Variants in ITIH4 observed in about 807,000 individuals in gnomAD.
ITIH4 encodes the protein inter-alpha-trypsin inhibitor heavy chain H4.
In ITIH4, 79 loss-of-function variants were observed where a neutral mutation model predicts 111.8. The observed-to-expected ratio is 0.71, with a 90% CI of 0.59 to 0.85. ITIH4 has a LOEUF of 0.85. Among genes scored for constraint, ITIH4 ranks in the 40% least tolerant of loss-of-function variants. ITIH4 has a pLI of 0.00. For missense variants in ITIH4, 1,065 were observed against 1,195.8 expected, an observed-to-expected ratio of 0.89 and a Z score of 1.61; for synonymous variants, 472 against 468.3, an observed-to-expected ratio of 1.01 and a Z score of -0.10.
Position 52,823,553 on chromosome 3 carries a change from C to G in ITIH4, c.1539+3G>C. On this transcript the variant is annotated splice_donor_region_variant and intron_variant, in intron 11 of 23. Transcript: ENST00000266041. ...CCTCCAGGGTGGCTTTGGCCACACT[C>G]ACCAGCTTCCCACTGACTGTGGCTG... The G allele has an allele frequency of 6.3e-7, 1 of 1,598,970 alleles. No individual in the cohort carries two copies. The highest frequency in any genetic ancestry group is 8.5e-7 in the Non-Finnish European group (1 of 1,172,230).
chr3:52,817,599 A>C (rs1372457833), intron 20 of ITIH4, among the ~76,000 whole-genome samples: 4 of 152,094 alleles, frequency 2.6e-5, no homozygotes, highest in African/African-American at 9.7e-5. Context: ...GGGCCCAGCC[A>C]GCACCCCTGT....
chr3:52,820,420 T>C (rs1314710304), intron 13 of ITIH4, 103 bp from the exon 14 acceptor site: 2 of 1,326,044 alleles, frequency 1.5e-6, no homozygotes, highest in African/African-American at 2.9e-5. Context: ...TTAATCTTGC[T>C]ACCCAATCCT....
At position 52,814,008 on chromosome 3, in the gene ITIH4, A is replaced by G. The variant is rs1379048861; in HGVS notation, c.2690T>C (p.Leu897Pro). ...PAASDDGRRT[L>P]RVQGNDHSAT... is the part of the protein sequence containing the mutation. Reference sequence around the variant, plus strand: ...AGAGTGGTCATTGCCCTGAACCCTCAGCGTGCGTCTGCCGTCATCTGATGC... The same window carrying G: ...AGAGTGGTCATTGCCCTGAACCCTCGGCGTGCGTCTGCCGTCATCTGATGC... Residue 897 changes from leucine to proline, a missense_variant, in exon 23 of 24, where the codon CTG becomes CCG. Coordinates refer to ENST00000266041, the MANE Select transcript of ITIH4 (RefSeq NM_002218.5). The G allele has an allele frequency of 6.2e-7, 1 of 1,613,686 alleles. No homozygotes were observed. Among genetic ancestry groups the G allele is most frequent in the Admixed American group, 1.7e-5 (1 of 60,004 alleles).
chr3:52,820,164 G>T, intron 14 of ITIH4, 127 bp downstream of exon 14: 1 of 1,374,542 alleles, frequency 7.3e-7, no homozygotes, highest in Non-Finnish European at 1.0e-6. Context: ...CCTCCTGGCA[G>T]CAGGGATGGG....
At chr3:52,829,904 C>T (rs1453996964) in intron 1 of ITIH4, 3 of 188,884 alleles carry the variant, frequency 1.6e-5, no homozygotes, top group South Asian at 1.1e-4. Flanking sequence ...CAGGGCACTC[C>T]CCTAGCAGGT....
chr3:52,820,330 A>C lies in ITIH4; in HGVS notation c.1835-13T>G. The C allele has an allele frequency of 1.2e-6, 2 of 1,607,572 alleles. No homozygotes were observed. Among genetic ancestry groups the C allele is most frequent in the Non-Finnish European group, 1.7e-6 (2 of 1,175,558 alleles). On this transcript the variant is annotated splice_polypyrimidine_tract_variant and intron_variant, in intron 13 of 23. Coordinates refer to ENST00000266041, the MANE Select transcript of ITIH4 (RefSeq NM_002218.5). ...CTGTTTCTACTTTCTGGATAAAACA[A>C]AGAGAGAGAGAGAGACAGACAGACA...
chr3:52,824,733 G>T lies in ITIH4; in HGVS notation c.876+109C>A. ...CAACCTTGGTTCCTGAGAGCCACCC[G>T]CCCCATGGTGCCGAAAGGTGAAGCA... On this transcript the variant is annotated intron_variant, in intron 7 of 23. Transcript: ENST00000266041. This position sits in a 1 kb window ranked among gnomAD's most constrained non-coding sequence, Gnocchi z 4.3. The T allele has an allele frequency of 1.6e-6, 2 of 1,229,678 alleles. No individual in the cohort carries two copies. Among genetic ancestry groups the T allele is most frequent in the Non-Finnish European group, 2.3e-6 (2 of 867,454 alleles). 76.2% of individuals were successfully genotyped at this position (1,229,678 alleles called of 1,614,324 possible).
chr3:52,820,435 T>A, intron 13 of ITIH4, 118 bp from the exon 14 acceptor site: 2 of 1,244,632 alleles, frequency 1.6e-6, no homozygotes, highest in Non-Finnish European at 2.3e-6. Flanking sequence ...AATCCTGGAC[T>A]ATATCGTAGG....
chr3:52,817,081 G>A (rs1156518569), intron 20 of ITIH4, 23 bp from the exon 21 acceptor site: 1 of 1,602,268 alleles, frequency 6.2e-7, no homozygotes, highest in African/African-American at 1.3e-5. Context: ...GACCAGAGAG[G>A]TCATAGCTGG....
chr3:52,820,402 G>A (rs557136727), intron 13 of ITIH4, 85 bp from the exon 14 acceptor site: 404 of 1,445,542 alleles, frequency 2.8e-4, no homozygotes, highest in Admixed American at 2.2e-4. Flanking sequence ...AATTTGAAGC[G>A]CTTGTGTTTA....
chr3:52,828,222 T>C (rs1700515583), intron 2 of ITIH4, among the ~76,000 whole-genome samples: 1 of 152,198 alleles, frequency 6.6e-6, no homozygotes, highest in Admixed American at 6.5e-5. Context: ...TCTCAGCAGA[T>C]GCCACGGGCC....
chr3:52,814,017 C>T lies in ITIH4; in HGVS notation c.2681G>A (p.Arg894Lys). ...ATTGCCCTGAACCCTCAGCGTGCGT[C>T]TGCCGTCATCTGATGCTGCTGGAGA... ...WGSPAASDDG[R>K]RTLRVQGNDH... The change falls in exon 23 of 24, where the codon AGA becomes AAA. Residue 894 changes from arginine (R) to lysine (K), a missense_variant. By Grantham distance (26) the Arg-to-Lys change is conservative (BLOSUM62 2). Coordinates refer to ENST00000266041, the MANE Select transcript of ITIH4 (RefSeq NM_002218.5). 1 of 1,613,804 alleles carries T rather than the reference C, an allele frequency of 6.2e-7. No individual in the cohort carries two copies. The highest frequency in any genetic ancestry group is 1.3e-5 in the African/African-American group (1 of 75,066).
At chr3:52,829,992 T>C (rs1050381167) in intron 1 of ITIH4, 35 of 271,058 alleles carry the variant, frequency 1.3e-4, no homozygotes, top group African/African-American at 6.9e-4. Context: ...GACATGCTCA[T>C]GCGCACTGCA....
rs1335952093 is a variant in ITIH4, at chr3:52,823,905, G to A, written c.1271C>T (p.Ala424Val). Residue 424 changes from alanine (A) to valine (V), a missense_variant, in exon 10 of 24, where the codon GCC becomes GTC. Ala to Val is a moderately conservative substitution (Grantham distance 64). Coordinates refer to ENST00000266041, the MANE Select transcript of ITIH4 (RefSeq NM_002218.5). ...CLGFGFDVSYAFLEKLALDNG... is the reference protein window; with the variant it reads ...CLGFGFDVSYVFLEKLALDNG... The stretch of plus-strand genomic sequence containing the variant: ...GTCCAGTGCCAGCTTCTCCAGGAAG[G>A]CATAGCTGACGTCGAAACCGAAGCC... 6.2e-7 allele frequency: 1 copy of A among 1,613,116 alleles called. No individual in the cohort carries two copies. The highest frequency in any genetic ancestry group is 1.3e-5 in the African/African-American group (1 of 75,018).
Position 52,820,691 on chromosome 3 carries a change from C to A in ITIH4, c.1774G>T (p.Val592Leu). ...TCTTGGTCATCGGGTTTGGTGACTA[C>A]CATAGATGTGAGAGGCGTGACAAAG... ...YSFVTPLTSM[V>L]VTKPDDQEQS... Residue 592 changes from valine to leucine, a missense_variant, in exon 13 of 24, where the codon GTA (valine) becomes TTA (leucine). Coordinates refer to ENST00000266041, the MANE Select transcript of ITIH4 (RefSeq NM_002218.5). The A allele has an allele frequency of 6.2e-7, 1 of 1,614,078 alleles. No individual in the cohort carries two copies. The highest frequency in any genetic ancestry group is 8.5e-7 in the Non-Finnish European group (1 of 1,179,978).
Position 52,816,940 on chromosome 3 carries a change from C to G in ITIH4, c.2415G>C (p.Arg805=), listed in dbSNP as rs137914687. The G allele has an allele frequency of 6.1e-5, 98 of 1,613,968 alleles. No homozygotes were observed. Among genetic ancestry groups the G allele is most frequent in the Non-Finnish European group, 7.7e-5 (91 of 1,179,988 alleles). Residue 805 remains arginine (R), a synonymous_variant, in exon 21 of 24, where the codon CGG becomes CGC. Transcript: ENST00000266041. ...ACTTGTACGCAGAGCTTCTTCGGTTCCGAGTCACCACCACGTGTTCAGGGG... is the reference window on the plus strand; with the variant it reads ...ACTTGTACGCAGAGCTTCTTCGGTTGCGAGTCACCACCACGTGTTCAGGGG... ...HASPEHVVVT[R]NRRSSAYKWK...
chr3:52,818,360 G>A, intron 18 of ITIH4, 77 bp from the exon 19 acceptor site: 1 of 1,568,236 alleles, frequency 6.4e-7, no homozygotes, highest in Non-Finnish European at 8.7e-7. Flanking sequence ...CAGTGACTAG[G>A]TGTGGCTGGG....
intron 2 of ITIH4, 96 bp downstream of exon 2, chr3:52,829,023 C>G: frequency 8.6e-7 from 1 of 1,163,458 alleles, no homozygotes; most frequent in Non-Finnish European, 1.2e-6. Flanking sequence ...TACACCCTGG[C>G]ATGCCTTACT....
chr3:52,826,348 G>A lies in ITIH4; in HGVS notation c.630+193C>T, dbSNP rs191675747. Among the ~76,000 whole-genome samples the A allele has an allele frequency of 1.4e-4, 21 of 152,234 alleles. No homozygotes were observed. In the East Asian group the frequency reaches 3.9e-3, roughly 28 times the overall value. On this transcript the variant is annotated intron_variant, in intron 5 of 23. Coordinates refer to ENST00000266041, the MANE Select transcript of ITIH4 (RefSeq NM_002218.5). Reference sequence around the variant, plus strand: ...CAGATCTCAGGGCTCATACGAGGACGCCATGGTCCTTCTCTAGGCTTTGCC... The same window carrying A: ...CAGATCTCAGGGCTCATACGAGGACACCATGGTCCTTCTCTAGGCTTTGCC...
Sources: gnomAD v4.1 joint callset for allele counts (sites outside exome capture counted in the v4.1 genomes callset) on GRCh38, gnomAD v4.1.1 for gene constraint, Gnocchi (gnomAD v3.1) non-coding constraint, MANE v1.5 for transcripts, NCBI Gene and HGNC (gene_info 2026-07-23, HGNC 2026-07-21) for gene names.